Variants in RPGRIP1L observed in about 807,000 individuals in gnomAD.
RPGRIP1L encodes protein fantom.
Under a neutral mutation model 160.4 loss-of-function variants are expected in RPGRIP1L, and 131 were observed. The ratio of observed to expected loss-of-function variants is 0.82; its 90% CI spans 0.71 to 0.94. RPGRIP1L has a LOEUF of 0.94. Ranked by LOEUF, RPGRIP1L falls within the 40% of genes least tolerant of loss-of-function variation. The probability of loss-of-function intolerance (pLI) is 0.00; values close to 1 mark genes in which losing one functional copy is unlikely to be tolerated. For synonymous variants in RPGRIP1L, 510 were observed against 515.8 expected, an observed-to-expected ratio of 0.99 and a Z score of 0.15; for missense variants, 1,522 against 1,535.8, an observed-to-expected ratio of 0.99 and a Z score of 0.15.
chr16:53,601,122 A>G lies in RPGRIP1L; in HGVS notation c.*954T>C, dbSNP rs192142583. The G allele has an allele frequency of 1.6e-4, 24 of 152,772 alleles. No homozygotes were observed. The highest frequency in any genetic ancestry group is 5.5e-4 in the African/African-American group (23 of 41,576). The allele number at this position is 152,772 out of a possible 1,614,324, so 9.5% of individuals were successfully genotyped here. ...TTAAATCCTTCAGTGAGATTGGGTA[A>G]AAGCTAGAAAATTAACTTTCAGAGC... On this transcript the variant is annotated 3_prime_UTR_variant, in exon 27 of 27. Coordinates refer to ENST00000647211, the MANE Select transcript of RPGRIP1L (RefSeq NM_015272.5).
chr16:53,681,543 A>G (rs1969607020), intron 6 of RPGRIP1L, among the ~76,000 whole-genome samples: 1 of 152,200 alleles, frequency 6.6e-6, no homozygotes, highest in Non-Finnish European at 1.5e-5. Flanking sequence ...CTACTTGTAA[A>G]TGATATAAGA....
intron 6 of RPGRIP1L, 57 bp from the exon 7 acceptor site, chr16:53,675,179 A>G: frequency 8.9e-7 from 1 of 1,118,830 alleles, no homozygotes; most frequent in South Asian, 1.3e-5. Context: ...AAGTTAGAAG[A>G]AAATCTATGG....
chr16:53,640,464 G>A (rs954101463), intron 19 of RPGRIP1L, among the ~76,000 whole-genome samples: 4 of 152,256 alleles, frequency 2.6e-5, no homozygotes, highest in South Asian at 2.1e-4. Flanking sequence ...TTGAGAAGAC[G>A]TCTGAGGATT....
intron 10 of RPGRIP1L, chr16:53,659,467 A>G (rs920249046): frequency 2.6e-5 from 4 of 152,472 alleles, no homozygotes; most frequent in African/African-American, 9.7e-5. Context: ...TACCCTCTAA[A>G]TCCATAATAA....
chr16:53,645,910 T>C lies in RPGRIP1L; in HGVS notation c.2398A>G (p.Asn800Asp), dbSNP rs752724338. 1.2e-6 allele frequency: 2 copies of C among 1,614,184 alleles called. No individual in the cohort carries two copies. Among genetic ancestry groups the C allele is most frequent in the Non-Finnish European group, 1.7e-6 (2 of 1,180,018 alleles). Reference protein sequence around the residue: ...NELHITIRCCNHLQSRASHLQ... With the variant: ...NELHITIRCCDHLQSRASHLQ... The stretch of plus-strand genomic sequence containing the variant: ...TGGCTTGCTCGGGACTGCAGGTGGT[T>C]GCAACATCTTATTGTAATGTGAAGT... Residue 800 changes from asparagine (N) to aspartate (D), a missense_variant, in exon 17 of 27, where the codon AAC (asparagine) becomes GAC (aspartate). Transcript: ENST00000647211.
intron 10 of RPGRIP1L, among the ~76,000 whole-genome samples, chr16:53,661,438 A>C (rs1967788875): frequency 6.6e-6 from 1 of 152,206 alleles, no homozygotes; most frequent in South Asian, 2.1e-4. Flanking sequence ...GTTAGAGAAT[A>C]GAATAAGTAA....
chr16:53,696,287 T>C lies in RPGRIP1L; in HGVS notation c.94A>G (p.Thr32Ala), dbSNP rs756062877. The C allele has an allele frequency of 1.9e-6, 3 of 1,613,942 alleles. No individual in the cohort carries two copies. The highest frequency in any genetic ancestry group is 2.7e-5 in the African/African-American group (2 of 74,924). ...TGGCGAGACTTCATTGTCCGTGTTG[T>C]TGAAGTTTCTGCAAAAATGCCAAGA... ...FGMGGLQETS[T>A]TRTMKSRQAV... The change falls in exon 3 of 27, where the codon ACA becomes GCA. Residue 32 changes from threonine (T) to alanine (A), a missense_variant. Physicochemically the swap from Thr to Ala is moderately conservative, Grantham distance 58. Coordinates refer to ENST00000647211, the MANE Select transcript of RPGRIP1L (RefSeq NM_015272.5).
intron 6 of RPGRIP1L, among the ~76,000 whole-genome samples, chr16:53,678,342 G>C (rs944890828): frequency 6.6e-6 from 1 of 152,056 alleles, no homozygotes; most frequent in Non-Finnish European, 1.5e-5. Context: ...TCTGAAAAAG[G>C]AATTTCTAAT....
chr16:53,684,983 C>T (rs2059728784), intron 6 of RPGRIP1L, among the ~76,000 whole-genome samples: 1 of 151,790 alleles, frequency 6.6e-6, no homozygotes, highest in African/African-American at 2.4e-5. Flanking sequence ...GTATAATATC[C>T]AGCATCTATA....
rs1966510321 is a variant in RPGRIP1L, at chr16:53,645,871, G to C, written c.2437C>G (p.Pro813Ala). The C allele has an allele frequency of 1.2e-6, 2 of 1,614,062 alleles. No individual in the cohort carries two copies. The highest frequency in any genetic ancestry group is 4.5e-5 in the East Asian group (2 of 44,876). Residue 813 changes from proline to alanine, a missense_variant, in exon 17 of 27, where the codon CCA becomes GCA. By Grantham distance (27) the Pro-to-Ala change is conservative. Coordinates refer to ENST00000647211, the MANE Select transcript of RPGRIP1L (RefSeq NM_015272.5). ...TCAAAAAACTTGTACACAACATATGGGTGTGGCTGCAGGTGGCTTGCTCGG... is the reference window on the plus strand; with the variant it reads ...TCAAAAAACTTGTACACAACATATGCGTGTGGCTGCAGGTGGCTTGCTCGG... ...QSRASHLQPH[P>A]YVVYKFFDFA...
intron 26 of RPGRIP1L, among the ~76,000 whole-genome samples, chr16:53,604,161 G>T (rs1352193640): frequency 2.6e-5 from 4 of 152,272 alleles, no homozygotes; most frequent in Middle Eastern, 3.4e-3. Flanking sequence ...ACTGCCACGT[G>T]GTTAGAAATG....
intron 2 of RPGRIP1L, among the ~76,000 whole-genome samples, chr16:53,699,962 T>G (rs1314320944): frequency 6.6e-6 from 1 of 152,270 alleles, no homozygotes; most frequent in Non-Finnish European, 1.5e-5. Context: ...AAATGGAATG[T>G]ATCTTAAATC....
intron 6 of RPGRIP1L, among the ~76,000 whole-genome samples, chr16:53,685,851 G>GT (rs1416410817): frequency 1.3e-5 from 2 of 152,118 alleles, no homozygotes; most frequent in Non-Finnish European, 2.9e-5. Flanking sequence ...TCCTGTACAT[G>GT]TACCCCTGAA....
chr16:53,622,399 A>C, intron 22 of RPGRIP1L, 43 bp from the exon 23 acceptor site: 2 of 591,696 alleles, frequency 3.4e-6, no homozygotes, highest in Non-Finnish European at 6.0e-6. Flanking sequence ...TAAGAAGCAC[A>C]TTAAATGCAT....
At chr16:53,689,090 T>C (rs1412067133) in intron 4 of RPGRIP1L, among the ~76,000 whole-genome samples, 4 of 148,892 alleles carry the variant, frequency 2.7e-5, no homozygotes, top group Non-Finnish European at 5.9e-5. Context: ...TATATATATG[T>C]TATATATATA....
chr16:53,637,813 A>T lies in RPGRIP1L; in HGVS notation c.3102T>A (p.Thr1034=), dbSNP rs1965935115. The change falls in exon 21 of 27, where the codon ACT becomes ACA. Residue 1034 remains threonine, a synonymous_variant. Transcript: ENST00000647211. Reference sequence around the variant, plus strand: ...CATCTTTTCCTTGCTGCATTTTCTCAGTATTCTCTTTTACCTCATCTACAC... The same window carrying T: ...CATCTTTTCCTTGCTGCATTTTCTCTGTATTCTCTTTTACCTCATCTACAC... The part of the protein sequence containing the change: ...EGSVDEVKEN[T]EKMQQGKDDV... 2 of 1,610,694 alleles carry T rather than the reference A, an allele frequency of 1.2e-6. No homozygotes were observed. The highest frequency in any genetic ancestry group is 1.7e-6 in the Non-Finnish European group (2 of 1,178,706).
Position 53,640,925 on chromosome 16 carries a change from C to T in RPGRIP1L, c.2958+108G>A, listed in dbSNP as rs936961405. ...AATCACTTTAATGGGAAAAGACATA[C>T]TTTATTCACCTGTTTCCATTTAAAT... On this transcript the variant is annotated intron_variant, in intron 19 of 26. Coordinates refer to ENST00000647211, the MANE Select transcript of RPGRIP1L (RefSeq NM_015272.5). 2 of 811,160 alleles carry T rather than the reference C, an allele frequency of 2.5e-6. 1 individual carries two copies. Among genetic ancestry groups the T allele is most frequent in the Middle Eastern group, 6.7e-4 (2 of 2,970 alleles). The allele number at this position is 811,160 out of a possible 1,614,324, so 50.2% of individuals were successfully genotyped here. A position where few individuals can be genotyped will look rare whatever the true frequency, so the allele number is the denominator to read the frequency against.
chr16:53,602,905 T>G (rs547691838), intron 26 of RPGRIP1L, among the ~76,000 whole-genome samples: 1 of 152,354 alleles, frequency 6.6e-6, no homozygotes, highest in South Asian at 2.1e-4. Context: ...AATTAGTTAT[T>G]TAACTTTCTG....
chr16:53,684,293 C>T (rs555874795), intron 6 of RPGRIP1L, among the ~76,000 whole-genome samples: 2 of 152,028 alleles, frequency 1.3e-5, no homozygotes, highest in Non-Finnish European at 2.9e-5. Context: ...CACATGCACA[C>T]GTATGTTTAT....
Sources: gnomAD v4.1 joint callset for allele counts (sites outside exome capture counted in the v4.1 genomes callset) on GRCh38, gnomAD v4.1.1 for gene constraint, MANE v1.5 for transcripts, NCBI Gene and HGNC (gene_info 2026-07-23, HGNC 2026-07-21) for gene names.